Variants in MOK observed in about 807,000 individuals in gnomAD.
MOK encodes MAPK/MAK/MRK overlapping kinase.
Under a neutral mutation model 54.2 loss-of-function variants are expected in MOK, and 59 were observed. The observed-to-expected ratio is 1.09, with a 90% CI of 0.88 to 1.35. The LOEUF (loss-of-function observed/expected upper bound fraction) is 1.35, where lower values mean the gene tolerates loss of function less well. MOK is among the 40% of genes most tolerant of loss of function. The pLI, the probability that MOK is intolerant of heterozygous loss-of-function variation, is 0.00. For synonymous variants in MOK, 210 were observed against 202.7 expected, an observed-to-expected ratio of 1.04 and a Z score of -0.31; for missense variants, 517 against 526.2, an observed-to-expected ratio of 0.98 and a Z score of 0.17.
chr14:102,224,959 G>A (rs1403967520), downstream of MOK: 1 of 371,728 alleles, frequency 2.7e-6, no homozygotes, highest in Admixed American at 3.4e-5. Flanking sequence ...ATTGCTAGGT[G>A]CTGTCAGTTA....
downstream of MOK, among the ~76,000 whole-genome samples, chr14:102,227,411 C>T (rs1221463269): frequency 4.6e-5 from 7 of 151,782 alleles, no homozygotes; most frequent in Non-Finnish European, 5.9e-5. Context: ...TGACGTCCGA[C>T]TCCCCTGGGA....
rs148170566 is a variant in MOK, at chr14:102,272,987, C to T, written c.123-7075G>A. On this transcript the variant is annotated intron_variant, in intron 2 of 11. Transcript: ENST00000361847. ...GAGTTCGAGACCAGCCTGGCCAATA[C>T]GGTTAAACCCTGTCTCTACTTAAAA... 4.7e-3 allele frequency among the ~76,000 whole-genome samples: 711 copies of T among 151,990 alleles called. 6 individuals carry two copies. Among genetic ancestry groups the T allele is most frequent in the African/African-American group, 0.016 (655 of 41,452 alleles).
chr14:102,225,222 G>T, downstream of MOK: 1 of 180,090 alleles, frequency 5.6e-6, no homozygotes, highest in Non-Finnish European at 1.2e-5. Context: ...CACCATACCT[G>T]GGTAATTTTT....
chr14:102,304,801 G>C (rs1350715715), intron 1 of MOK, among the ~76,000 whole-genome samples, 161 bp downstream of exon 1: 1 of 152,074 alleles, frequency 6.6e-6, no homozygotes, highest in East Asian at 1.9e-4. Context: ...AGCCGAGGGG[G>C]ATTCGGGGCC....
downstream of MOK, among the ~76,000 whole-genome samples, chr14:102,220,675 G>C (rs557608914): frequency 6.8e-6 from 1 of 147,834 alleles, no homozygotes; most frequent in African/African-American, 2.5e-5. The surrounding 1 kb of genome is among the most constrained non-coding windows in gnomAD (Gnocchi z 4.2). Flanking sequence ...AGCCAAGATC[G>C]TGCCACTGCA....
downstream of MOK, among the ~76,000 whole-genome samples, chr14:102,222,530 C>A (rs932074198): frequency 1.2e-4 from 19 of 152,180 alleles, no homozygotes; most frequent in Admixed American, 7.2e-4. This position sits in a 1 kb window ranked among gnomAD's most constrained non-coding sequence, Gnocchi z 4.4. Flanking sequence ...CTCCAAAGAA[C>A]CTGTTCTCAG....
chr14:102,305,041 C>A lies in MOK; in HGVS notation c.-73G>T. ...AAGAAAGAAGCAGGAAGGTTGTCCC[C>A]CTGCTTTCCACTTCCCTGAGGCGGG... is the stretch of plus-strand genomic sequence containing the variant. On this transcript the variant is annotated 5_prime_UTR_variant, in exon 1 of 12. Coordinates refer to ENST00000361847, the MANE Select transcript of MOK (RefSeq NM_014226.3). The A allele has an allele frequency of 6.4e-7, 1 of 1,554,346 alleles. No homozygotes were observed. Among genetic ancestry groups the A allele is most frequent in the East Asian group, 2.3e-5 (1 of 43,308 alleles).
chr14:102,273,474 A>G (rs1343612053), intron 2 of MOK, among the ~76,000 whole-genome samples: 1 of 152,112 alleles, frequency 6.6e-6, no homozygotes, highest in Non-Finnish European at 1.5e-5. Flanking sequence ...CTTTTCAGTG[A>G]AACTACAAAA....
In MOK at chr14:102,231,787, T is replaced by C; in HGVS notation, c.901A>G (p.Lys301Glu). Residue 301 changes from lysine to glutamate, a missense_variant, in exon 10 of 12, where the codon AAA (lysine) becomes GAA (glutamate). Transcript: ENST00000361847. This position sits in a 1 kb window ranked among gnomAD's most constrained non-coding sequence, Gnocchi z 4.4. ...ACAGGGTGCTCCGGAAAGCCAGCTT[T>C]TCTGTGGCTGCCCAGAGCCCGCTTC... Reference protein sequence around the residue: ...TEKRALGSHRKAGFPEHPVAP... With the variant: ...TEKRALGSHREAGFPEHPVAP... 3 of 1,612,838 alleles carry C rather than the reference T, an allele frequency of 1.9e-6. No individual in the cohort carries two copies. Among genetic ancestry groups the C allele is most frequent in the Non-Finnish European group, 2.5e-6 (3 of 1,179,568 alleles).
chr14:102,250,678 G>A (rs2066454296), intron 7 of MOK, 134 bp downstream of exon 7: 2 of 957,110 alleles, frequency 2.1e-6, no homozygotes, highest in Non-Finnish European at 3.0e-6. Context: ...TCAATTTTCT[G>A]TTAAATTAAA....
intron 2 of MOK, among the ~76,000 whole-genome samples, chr14:102,275,477 T>C (rs1044733768): frequency 7.0e-6 from 1 of 143,798 alleles, no homozygotes; most frequent in Non-Finnish European, 1.5e-5. Context: ...GGCAGGAGAA[T>C]GGAGTGAACC....
At position 102,269,576 on chromosome 14, in the gene MOK, G is replaced by A. The variant is rs137945156; in HGVS notation, c.123-3664C>T. On this transcript the variant is annotated intron_variant, in intron 2 of 11. Transcript: ENST00000361847. ...CAATCTCCATCTCCTGGGTTCAAGT[G>A]ATTCTCCTGCCTCAGCCTCCCAAGT... 6.2e-4 allele frequency among the ~76,000 whole-genome samples: 93 copies of A among 150,614 alleles called. No individual in the cohort carries two copies. The East Asian group carries it at 0.018, about 29-fold the overall frequency.
chr14:102,229,241 G>A lies in MOK; in HGVS notation c.*48C>T, dbSNP rs574586281. 2.0e-6 allele frequency: 3 copies of A among 1,529,258 alleles called. No individual in the cohort carries two copies. The highest frequency in any genetic ancestry group is 2.3e-5 in the East Asian group (1 of 44,284). The allele number at this position is 1,529,258 out of a possible 1,614,324, so 94.7% of individuals were successfully genotyped here. Reference sequence around the variant, plus strand: ...GCAGCAGATCACCCAGGCCTGGCCCGGTCGGGCTTGGTGTTGCCTCCGAAG... The same window carrying A: ...GCAGCAGATCACCCAGGCCTGGCCCAGTCGGGCTTGGTGTTGCCTCCGAAG... On this transcript the variant is annotated 3_prime_UTR_variant, in exon 12 of 12. Coordinates refer to ENST00000361847, the MANE Select transcript of MOK (RefSeq NM_014226.3).
At chr14:102,285,692 G>T (rs565550767) in intron 1 of MOK, among the ~76,000 whole-genome samples, 2 of 152,094 alleles carry the variant, frequency 1.3e-5, no homozygotes, top group Middle Eastern at 3.4e-3. Context: ...AGGAGTTCGA[G>T]ACCAGTCTGG....
Position 102,229,626 on chromosome 14 carries a change from G to A in MOK, c.1013C>T (p.Pro338Leu). 1.2e-6 allele frequency: 2 copies of A among 1,613,678 alleles called. No homozygotes were observed. The highest frequency in any genetic ancestry group is 1.7e-6 in the Non-Finnish European group (2 of 1,179,666). ...KQSLKQEEDR[P>L]KRRGPAYVME... ...GACATAGGCCGGTCCTCGTCTCTTG[G>A]GACGGTCCTCCTCTTGCTTTAGGGA... The change falls in exon 11 of 12, where the codon CCC becomes CTC. Residue 338 changes from proline to leucine, a missense_variant. By Grantham distance (98) the Pro-to-Leu change is moderately conservative. Transcript: ENST00000361847.
downstream of MOK, among the ~76,000 whole-genome samples, chr14:102,220,837 C>T (rs1184214345): frequency 2.6e-5 from 4 of 152,104 alleles, no homozygotes; most frequent in Non-Finnish European, 4.4e-5. This position sits in a 1 kb window ranked among gnomAD's most constrained non-coding sequence, Gnocchi z 4.2. Flanking sequence ...CAGTGGATCG[C>T]GGCTCATTGC....
In MOK at chr14:102,249,526, A is replaced by G. The variant is rs986364884; in HGVS notation, c.590+1286T>C. Among the ~76,000 whole-genome samples the G allele has an allele frequency of 1.3e-5, 2 of 152,168 alleles. No individual in the cohort carries two copies. The highest frequency in any genetic ancestry group is 2.4e-5 in the African/African-American group (1 of 41,442). On this transcript the variant is annotated intron_variant, in intron 7 of 11. Coordinates refer to ENST00000361847, the MANE Select transcript of MOK (RefSeq NM_014226.3). The surrounding 1 kb of genome is among the most constrained non-coding windows in gnomAD (Gnocchi z 5.3). ...GGAGTTCAAGACCAGCCTGACCAAC[A>G]TGGAGAAACCCCGTCTCTACTAAAA... is the stretch of plus-strand genomic sequence containing the variant.
chr14:102,264,020 G>C (rs1415661503), intron 3 of MOK: 1 of 159,062 alleles, frequency 6.3e-6, no homozygotes, highest in Non-Finnish European at 1.4e-5. Flanking sequence ...TTTGAGACCA[G>C]CCTGGCCAAC....
intron 7 of MOK, among the ~76,000 whole-genome samples, chr14:102,244,556 T>G (rs2153101998): frequency 6.6e-6 from 1 of 152,128 alleles, no homozygotes; most frequent in East Asian, 1.9e-4. Context: ...TCAGGCCCCC[T>G]CCCTTCCCTA....
Sources: allele counts gnomAD v4.1 joint callset (sites outside exome capture counted in the v4.1 genomes callset), GRCh38; gene constraint gnomAD v4.1.1; non-coding constraint Gnocchi (gnomAD v3.1); transcripts MANE v1.5; gene names NCBI Gene and HGNC (gene_info 2026-07-23, HGNC 2026-07-21).